RPE65: variants seen among roughly 807,000 people sequenced by gnomAD.
RPE65 encodes the protein retinoid isomerohydrolase RPE65.
In RPE65, 58 loss-of-function variants were observed where a neutral mutation model predicts 68.5. That is an observed-to-expected ratio of 0.85 (90% CI 0.69 to 1.05). RPE65 has a LOEUF of 1.05. Ranked by LOEUF, RPE65 falls within the 50% of genes least tolerant of loss-of-function variation. RPE65 has a pLI of 0.00. For missense variants in RPE65, 643 were observed against 629.9 expected, an observed-to-expected ratio of 1.02 and a Z score of -0.22; for synonymous variants, 220 against 222.2, an observed-to-expected ratio of 0.99 and a Z score of 0.09.
chr1:68,430,529 A>G (rs1020859426), intron 13 of RPE65, among the ~76,000 whole-genome samples: 5 of 152,164 alleles, frequency 3.3e-5, no homozygotes, highest in Non-Finnish European at 7.4e-5. Context: ...AGTGTAATCT[A>G]TCTCCCTGTC....
chr1:68,438,394 A>G, intron 9 of RPE65, 78 bp from the exon 10 acceptor site: 2 of 1,525,776 alleles, frequency 1.3e-6, no homozygotes, highest in Non-Finnish European at 1.8e-6. Flanking sequence ...CTTTTTAAGC[A>G]CAAGTGCCTG....
In RPE65 at chr1:68,444,813, A is replaced by T; in HGVS notation, c.316T>A (p.Cys106Ser). 6.2e-7 allele frequency: 1 copy of T among 1,614,214 alleles called. No individual in the cohort carries two copies. Among genetic ancestry groups the T allele is most frequent in the Non-Finnish European group, 8.5e-7 (1 of 1,180,028 alleles). ...KRIVITEFGT[C>S]AFPDPCKNIF... ...TTCTTGCAGGGATCTGGGAAAGCACAGGTGCCAAATTCTGTTATGACGATC... is the reference window on the plus strand; with the variant it reads ...TTCTTGCAGGGATCTGGGAAAGCACTGGTGCCAAATTCTGTTATGACGATC... The change falls in exon 4 of 14, where the codon TGT (cysteine) becomes AGT (serine). Residue 106 changes from cysteine to serine, a missense_variant. Physicochemically the swap from Cys to Ser is moderately radical, Grantham distance 112. Coordinates refer to ENST00000262340, the MANE Select transcript of RPE65 (RefSeq NM_000329.3).
At chr1:68,449,406 A>C (rs1645966579) in intron 1 of RPE65, among the ~76,000 whole-genome samples, 1 of 152,206 alleles carries the variant, frequency 6.6e-6, no homozygotes, top group Non-Finnish European at 1.5e-5. Context: ...AACTTCAAAG[A>C]GTGGAATCTC....
At position 68,438,291 on chromosome 1, in the gene RPE65, A is replaced by C; in HGVS notation, c.1024T>G (p.Tyr342Asp). ...CAGTTCTCACGTAAATTGGCTAAAT[A>C]TAAGTAATTATAAACAAACTCAAAT... is the stretch of plus-strand genomic sequence containing the variant. Reference protein sequence around the residue: ...KGFEFVYNYLYLANLRENWEE... With the variant: ...KGFEFVYNYLDLANLRENWEE... The change falls in exon 10 of 14, where the codon TAT becomes GAT. Residue 342 changes from tyrosine (Y) to aspartate (D), a missense_variant. Tyr to Asp is a radical substitution (Grantham distance 160). Coordinates refer to ENST00000262340, the MANE Select transcript of RPE65 (RefSeq NM_000329.3). 1 of 1,613,656 alleles carries C rather than the reference A, an allele frequency of 6.2e-7. No individual in the cohort carries two copies. The highest frequency in any genetic ancestry group is 8.5e-7 in the Non-Finnish European group (1 of 1,179,850).
At position 68,429,629 on chromosome 1, in the gene RPE65, T is replaced by C; in HGVS notation, c.*147A>G. 1.2e-6 allele frequency: 1 copy of C among 866,404 alleles called. No homozygotes were observed. The highest frequency in any genetic ancestry group is 1.5e-5 in the South Asian group (1 of 65,766). The allele number at this position is 866,404 out of a possible 1,614,324, so 53.7% of individuals were successfully genotyped here. ...TAAAGGAATTGCTTGCTCAACTCAGTGCTTTCTGTAAAACATTGCAAAATT... is the reference window on the plus strand; with the variant it reads ...TAAAGGAATTGCTTGCTCAACTCAGCGCTTTCTGTAAAACATTGCAAAATT... On this transcript the variant is annotated 3_prime_UTR_variant, in exon 14 of 14. Coordinates refer to ENST00000262340, the MANE Select transcript of RPE65 (RefSeq NM_000329.3).
At chr1:68,432,290 C>A (rs534170200) in intron 10 of RPE65, among the ~76,000 whole-genome samples, 2 of 151,952 alleles carry the variant, frequency 1.3e-5, no homozygotes, top group African/African-American at 4.8e-5. Flanking sequence ...CATTCTAGTT[C>A]AAGGAGATAT....
rs1282164855 is a variant in RPE65, at chr1:68,448,646, C to G, written c.72G>C (p.Ser24=). Residue 24 remains serine, a synonymous_variant, in exon 2 of 14, where the codon TCG becomes TCC. Coordinates refer to ENST00000262340, the MANE Select transcript of RPE65 (RefSeq NM_000329.3). ...AACCTGTTACATGAGCTGTGAGCGG[C>G]GAGGACAGTTCCTCCACAGTTTCAA... is the stretch of plus-strand genomic sequence containing the variant. ...KLFETVEELS[S]PLTAHVTGRI... is the part of the protein sequence containing the mutation. 1.2e-6 allele frequency: 2 copies of G among 1,613,780 alleles called. No individual in the cohort carries two copies. The highest frequency in any genetic ancestry group is 2.7e-5 in the African/African-American group (2 of 74,832).
intron 5 of RPE65, 27 bp from the exon 6 acceptor site, chr1:68,441,027 A>C: frequency 6.2e-7 from 1 of 1,612,944 alleles, no homozygotes; most frequent in Non-Finnish European, 8.5e-7. Flanking sequence ...AATGTCCTCC[A>C]GTTGAGAGAA....
intron 10 of RPE65, among the ~76,000 whole-genome samples, chr1:68,435,952 A>G (rs1315046241): frequency 6.6e-6 from 1 of 152,228 alleles, no homozygotes; most frequent in African/African-American, 2.4e-5. Flanking sequence ...TGGCTACTCA[A>G]TAACTATTAG....
intron 10 of RPE65, among the ~76,000 whole-genome samples, chr1:68,433,473 G>C (rs1473528996): frequency 6.6e-6 from 1 of 152,142 alleles, no homozygotes; most frequent in Non-Finnish European, 1.5e-5. Context: ...TACAGATGCT[G>C]GTGGGTGGGT....
Position 68,438,953 on chromosome 1 carries a change from G to A in RPE65, c.987C>T (p.Cys329=), listed in dbSNP as rs1250396948. 2 of 1,613,838 alleles carry A rather than the reference G, an allele frequency of 1.2e-6. No homozygotes were observed. The highest frequency in any genetic ancestry group is 1.7e-6 in the Non-Finnish European group (2 of 1,179,946). The part of the protein sequence containing the change: ...EDNGFLIVDL[C]CWKGFEFVYN... The stretch of plus-strand genomic sequence containing the variant: ...GTGTCCTTTCTTACCCTTTCCAGCA[G>A]CAGAGATCCACAATCAGAAACCCAT... The change falls in exon 9 of 14, where the codon TGC becomes TGT. Residue 329 remains cysteine, a synonymous_variant. Coordinates refer to ENST00000262340, the MANE Select transcript of RPE65 (RefSeq NM_000329.3).
At chr1:68,432,683 T>G (rs1343364252) in intron 10 of RPE65, among the ~76,000 whole-genome samples, 1 of 152,120 alleles carries the variant, frequency 6.6e-6, no homozygotes, top group Non-Finnish European at 1.5e-5. Context: ...TATGAGGACT[T>G]GATCTTTCTC....
At chr1:68,437,056 A>G (rs570676780) in intron 10 of RPE65, among the ~76,000 whole-genome samples, 62 of 152,270 alleles carry the variant, frequency 4.1e-4, no homozygotes, top group African/African-American at 1.4e-3. Flanking sequence ...TCCACTTTCC[A>G]GTCTGTCTTC....
chr1:68,448,352 C>T (rs1321102878), intron 2 of RPE65, among the ~76,000 whole-genome samples: 10 of 152,174 alleles, frequency 6.6e-5, no homozygotes, highest in Non-Finnish European at 1.5e-4. Context: ...TACTATGTGC[C>T]AGGCACTGAG....
intron 6 of RPE65, among the ~76,000 whole-genome samples, 170 bp from the exon 7 acceptor site, chr1:68,439,812 G>T (rs527672156): frequency 6.6e-6 from 1 of 152,156 alleles, no homozygotes; most frequent in East Asian, 1.9e-4. Flanking sequence ...ATGTGAAGCT[G>T]CAAAATCACC....
chr1:68,433,833 G>T (rs1645842397), intron 10 of RPE65, among the ~76,000 whole-genome samples: 1 of 151,990 alleles, frequency 6.6e-6, no homozygotes, highest in Admixed American at 6.6e-5. Context: ...TAAGAAAGAG[G>T]CAAGGGAAAG....
Position 68,439,239 on chromosome 1 carries a change from A to G in RPE65, c.810T>C (p.Leu270=). Residue 270 remains leucine (L), a synonymous_variant, in exon 8 of 14, where the codon CTT becomes CTC. Coordinates refer to ENST00000262340, the MANE Select transcript of RPE65 (RefSeq NM_000329.3). ...NLFKFLSSWS[L]WGANYMDCFE... ...AACAATCCATGTAGTTGGCTCCCCA[A>G]AGACTCCATGAAGAAAGGAACTTGA... The G allele has an allele frequency of 6.2e-7, 1 of 1,614,084 alleles. No homozygotes were observed. The highest frequency in any genetic ancestry group is 1.1e-5 in the South Asian group (1 of 91,078).
At chr1:68,442,802 TAC>T (rs758124173) in intron 5 of RPE65, among the ~76,000 whole-genome samples, 1 of 152,172 alleles carries the variant, frequency 6.6e-6, no homozygotes, top group Non-Finnish European at 1.5e-5. Flanking sequence ...CTAAAGGAGC[TAC>T]ACACACACTT....
chr1:68,446,980 G>T, intron 2 of RPE65, 120 bp from the exon 3 acceptor site: 4 of 1,357,758 alleles, frequency 2.9e-6, no homozygotes, highest in Non-Finnish European at 4.2e-6. Flanking sequence ...AGAGCTGGCA[G>T]TGATTTTCAT....
Sources: gnomAD v4.1 joint callset for allele counts (sites outside exome capture counted in the v4.1 genomes callset) on GRCh38, gnomAD v4.1.1 for gene constraint, MANE v1.5 for transcripts, NCBI Gene and HGNC (gene_info 2026-07-23, HGNC 2026-07-21) for gene names.